USH1C: variants seen among roughly 807,000 people sequenced by gnomAD.
The protein encoded by USH1C is USH1 protein network component harmonin, also known as harmonin.
Under a neutral mutation model 119.3 loss-of-function variants are expected in USH1C, and 90 were observed. The observed-to-expected ratio is 0.75, with a 90% CI of 0.64 to 0.90. The LOEUF is 0.90. Ranked by LOEUF, USH1C falls within the 40% of genes least tolerant of loss-of-function variation. USH1C has a pLI of 0.00. For missense variants in USH1C, 1,165 were observed against 1,167.7 expected (o/e 1.00, Z 0.03); for synonymous variants, 465 against 443.3 (o/e 1.05, Z -0.62).
chr11:17,526,307 C>T (rs771244575), intron 8 of USH1C, 40 bp downstream of exon 8: 2 of 1,548,490 alleles, frequency 1.3e-6, no homozygotes, highest in Middle Eastern at 1.7e-4. Flanking sequence ...TGCTGGGGTG[C>T]ACTGGCCACG....
Position 17,523,513 on chromosome 11 carries a change from C to T in USH1C, c.760-35G>A, listed in dbSNP as rs201903536. Reference sequence around the variant, plus strand: ...AAATGGAGAAAGATTAGTGTGTTTGCGCTATCTGTACACTCGCTCATCTGC... The same window carrying T: ...AAATGGAGAAAGATTAGTGTGTTTGTGCTATCTGTACACTCGCTCATCTGC... On this transcript the variant is annotated intron_variant, in intron 9 of 26. Transcript: ENST00000005226. 4.3e-5 allele frequency: 70 copies of T among 1,609,426 alleles called. 1 individual carries two copies. The highest frequency in any genetic ancestry group is 1.7e-4 in the Middle Eastern group (1 of 6,048).
At chr11:17,525,068 T>C (rs1592008582) in intron 8 of USH1C, among the ~76,000 whole-genome samples, 1 of 149,694 alleles carries the variant, frequency 6.7e-6, no homozygotes, top group South Asian at 2.1e-4. Context: ...TCCTATGACA[T>C]TTACGGCAAG....
In USH1C at chr11:17,528,552, G is replaced by A. The variant is rs552580914; in HGVS notation, c.388-1221C>T. Among the ~76,000 whole-genome samples the A allele has an allele frequency of 2.2e-4, 33 of 152,348 alleles. No homozygotes were observed. In the East Asian group the frequency reaches 5.6e-3, roughly 26 times the overall value. On this transcript the variant is annotated intron_variant, in intron 4 of 26. Transcript: ENST00000005226. ...GCTGGGGGCTTAACTCGAAACACAC[G>A]TGCTCACCCTTTGGAGACGTGCTGG...
Position 17,539,713 on chromosome 11 carries a change from T to C in USH1C, c.36+4559A>G, listed in dbSNP as rs1851374626. Among the ~76,000 whole-genome samples, 4 of 152,168 alleles carry C rather than the reference T, an allele frequency of 2.6e-5. No homozygotes were observed. In the South Asian group the frequency reaches 8.3e-4, roughly 32 times the overall value. Reference sequence around the variant, plus strand: ...GTACCAGGCTTTATTTGACTCTCATTTTCTTATCATCCATCTTTTCTTTTT... The same window carrying C: ...GTACCAGGCTTTATTTGACTCTCATCTTCTTATCATCCATCTTTTCTTTTT... On this transcript the variant is annotated intron_variant, in intron 1 of 26. Coordinates refer to ENST00000005226, the MANE Select transcript of USH1C (RefSeq NM_153676.4).
chr11:17,504,395 G>A (rs1201297134), intron 20 of USH1C, among the ~76,000 whole-genome samples: 1 of 152,210 alleles, frequency 6.6e-6, no homozygotes, highest in Admixed American at 6.5e-5. Context: ...CAGCAGAAGA[G>A]GTGAGTTCCC....
intron 14 of USH1C, among the ~76,000 whole-genome samples, chr11:17,519,365 T>C (rs1406911693): frequency 6.6e-6 from 1 of 152,200 alleles, no homozygotes; most frequent in Non-Finnish European, 1.5e-5. Context: ...TAAGATCACA[T>C]TTACCTTGAG....
chr11:17,508,213 C>T (rs145258439), intron 18 of USH1C, among the ~76,000 whole-genome samples: 144 of 152,348 alleles, frequency 9.5e-4, no homozygotes, highest in African/African-American at 3.2e-3. Context: ...GAAAGATGTC[C>T]CGAGAACAGG....
intron 14 of USH1C, chr11:17,517,556 TG>T: frequency 1.5e-6 from 2 of 1,376,724 alleles, no homozygotes. Context: ...CTCAGGAGTT[TG>T]GGGACCTGTA....
intron 17 of USH1C, among the ~76,000 whole-genome samples, 154 bp from the exon 18 acceptor site, chr11:17,509,992 C>G (rs1281906691): frequency 1.3e-5 from 2 of 152,206 alleles, no homozygotes; most frequent in Non-Finnish European, 2.9e-5. Context: ...CCTCTGCCAC[C>G]TGGATGCCCA....
At chr11:17,506,642 C>CA (rs1849661195) in intron 18 of USH1C, among the ~76,000 whole-genome samples, 1 of 152,202 alleles carries the variant, frequency 6.6e-6, no homozygotes, top group Non-Finnish European at 1.5e-5. Flanking sequence ...GCTTTAGCCT[C>CA]AAAAAATGCC....
At chr11:17,496,871 C>T (rs1445780998) in intron 24 of USH1C, 58 bp from the exon 25 acceptor site, 16 of 1,593,898 alleles carry the variant, frequency 1.0e-5, no homozygotes, top group Admixed American at 1.7e-5. Context: ...GCATCTGCCC[C>T]GGCACTCCAT....
intron 23 of USH1C, among the ~76,000 whole-genome samples, chr11:17,500,423 T>C (rs1849390933): frequency 6.6e-6 from 1 of 152,168 alleles, no homozygotes; most frequent in Non-Finnish European, 1.5e-5. Context: ...AGAACCTGCT[T>C]TCAGGGTTGT....
intron 24 of USH1C, among the ~76,000 whole-genome samples, chr11:17,497,907 C>T (rs1849298525): frequency 6.6e-6 from 1 of 152,210 alleles, no homozygotes; most frequent in African/African-American, 2.4e-5. Context: ...GGTGACCTGC[C>T]ATGCCCTGGC....
chr11:17,541,592 G>A (rs956071702), intron 1 of USH1C, among the ~76,000 whole-genome samples: 1 of 152,238 alleles, frequency 6.6e-6, no homozygotes. Context: ...CAGAAGAGCA[G>A]TCTCCCTTTG....
At chr11:17,543,514 C>T (rs184659358) in intron 1 of USH1C, among the ~76,000 whole-genome samples, 1 of 152,288 alleles carries the variant, frequency 6.6e-6, no homozygotes, top group East Asian at 1.9e-4. Context: ...GGTCTCAGGG[C>T]CTCAGCAGAT....
At chr11:17,507,663 T>C (rs1478757532) in intron 18 of USH1C, among the ~76,000 whole-genome samples, 1 of 152,256 alleles carries the variant, frequency 6.6e-6, no homozygotes, top group Non-Finnish European at 1.5e-5. Context: ...TTCCTATTTT[T>C]GGACAGGGAT....
chr11:17,494,678 C>G, intron 26 of USH1C: 1 of 466,962 alleles, frequency 2.1e-6, no homozygotes, highest in South Asian at 2.1e-5. Flanking sequence ...CCATGCAGGC[C>G]ACCCCAGAAG....
At chr11:17,516,690 T>A in intron 14 of USH1C, 2 of 314,816 alleles carry the variant, frequency 6.4e-6, no homozygotes, top group South Asian at 3.1e-5. Context: ...GGTCCCTCCA[T>A]ACAAAAAATG....
chr11:17,523,912 A>C (rs1053779310), intron 9 of USH1C, among the ~76,000 whole-genome samples: 3 of 152,182 alleles, frequency 2.0e-5, no homozygotes, highest in African/African-American at 7.2e-5. Context: ...TAACCCACAC[A>C]ACAACCTTGG....
Sources: allele counts gnomAD v4.1 joint callset (sites outside exome capture counted in the v4.1 genomes callset), GRCh38; gene constraint gnomAD v4.1.1; transcripts MANE v1.5; gene names NCBI Gene and HGNC (gene_info 2026-07-23, HGNC 2026-07-21).